Variants in KDM4C observed in about 807,000 individuals in gnomAD.
KDM4C encodes the protein lysine demethylase 4C, also known as lysine-specific demethylase 4C.
Under a neutral mutation model 129.3 loss-of-function variants are expected in KDM4C, and 81 were observed. That is an observed-to-expected ratio of 0.63 (90% confidence interval 0.52 to 0.75). The LOEUF (loss-of-function observed/expected upper bound fraction) is 0.75. Among genes scored for constraint, KDM4C ranks in the 30% least tolerant of loss-of-function variants. The pLI, the probability that KDM4C is intolerant of heterozygous loss-of-function variation, is 0.00. For synonymous variants in KDM4C, 573 were observed against 456.1 expected, an observed-to-expected ratio of 1.26 and a Z score of -3.26; for missense variants, 1,457 against 1,304.0, an observed-to-expected ratio of 1.12 and a Z score of -1.81.
intron 4 of KDM4C, among the ~76,000 whole-genome samples, chr9:6,822,112 A>G (rs1833137978): frequency 6.6e-6 from 1 of 152,228 alleles, no homozygotes; most frequent in Non-Finnish European, 1.5e-5. Context: ...GCCTTTGGGT[A>G]TATATTGAAG....
chr9:6,867,017 A>ATTTTTTTTTTTTTTTT (rs139668753), intron 5 of KDM4C, among the ~76,000 whole-genome samples: 1 of 83,784 alleles, frequency 1.2e-5, no homozygotes, highest in African/African-American at 4.5e-5. Flanking sequence ...ATATATATAT[A>ATTTTTTTTTTTTTTTT]TTTTTTTTTT....
chr9:6,736,334 G>A (rs1227821089), intron 1 of KDM4C, among the ~76,000 whole-genome samples: 1 of 152,118 alleles, frequency 6.6e-6, no homozygotes, highest in East Asian at 1.9e-4. Flanking sequence ...AAGACAATGG[G>A]GAAAATGTCT....
Position 7,021,063 on chromosome 9 carries a change from G to A in KDM4C, c.2259+5134G>A, listed in dbSNP as rs531429233. 2.0e-5 allele frequency among the ~76,000 whole-genome samples: 3 copies of A among 151,614 alleles called. No homozygotes were observed. In the East Asian group the frequency reaches 5.8e-4, roughly 29 times the overall value. On this transcript the variant is annotated intron_variant, in intron 15 of 21. Transcript: ENST00000381309. ...AGTTTTTTCTGATTTTGTGAAGAGTGTCAATGGTTGAGCACCTTTTCATAC... is the reference window on the plus strand; with the variant it reads ...AGTTTTTTCTGATTTTGTGAAGAGTATCAATGGTTGAGCACCTTTTCATAC...
At chr9:7,170,289 T>C in intron 21 of KDM4C, 1 of 1,060,196 alleles carries the variant, frequency 9.4e-7, no homozygotes, top group Non-Finnish European at 1.1e-6. Context: ...TAATTGAATG[T>C]CTGTCTATTC....
intron 18 of KDM4C, among the ~76,000 whole-genome samples, chr9:7,122,695 C>G (rs73639817): frequency 1.6e-4 from 24 of 152,110 alleles, no homozygotes; most frequent in African/African-American, 5.3e-4. Context: ...ATGTCTGTAA[C>G]GTTTTTTTAC....
At chr9:6,807,221 G>A (rs564260725) in intron 3 of KDM4C, among the ~76,000 whole-genome samples, 27 of 152,308 alleles carry the variant, frequency 1.8e-4, no homozygotes, top group African/African-American at 6.0e-4. Flanking sequence ...GTGCAGTGGC[G>A]TGATCTCGGC....
rs146577808 is a variant in KDM4C, at chr9:7,107,947, G to A, written c.2610+4077G>A. Among the ~76,000 whole-genome samples the A allele has an allele frequency of 1.1e-3, 175 of 152,282 alleles. 1 individual carries two copies. Among genetic ancestry groups the A allele is most frequent in the African/African-American group, 3.9e-3 (161 of 41,548 alleles). Reference sequence around the variant, plus strand: ...TATAAATTTGTTAAAATAATTATCCGATGCTAGGGAGTGGGATTAGTGGAG... The same window carrying A: ...TATAAATTTGTTAAAATAATTATCCAATGCTAGGGAGTGGGATTAGTGGAG... On this transcript the variant is annotated intron_variant, in intron 18 of 21. Coordinates refer to ENST00000381309, the MANE Select transcript of KDM4C (RefSeq NM_015061.6).
At position 6,925,300 on chromosome 9, in the gene KDM4C, G is replaced by T. The variant is rs1314183893; in HGVS notation, c.921+32068G>T. ...ACTATGGGAAAATATAATAATGGAGGTCAAATAAAGGAGACACAAGCTTTC... is the reference window on the plus strand; with the variant it reads ...ACTATGGGAAAATATAATAATGGAGTTCAAATAAAGGAGACACAAGCTTTC... On this transcript the variant is annotated intron_variant, in intron 8 of 21. Transcript: ENST00000381309. 4.1e-6 allele frequency: 4 copies of T among 985,116 alleles called. No individual in the cohort carries two copies. In the African/African-American group the frequency reaches 7.0e-5, roughly 17 times the overall value. 61.0% of individuals were successfully genotyped at this position (985,116 alleles called of 1,614,324 possible). A position where few individuals can be genotyped will look rare whatever the true frequency, so the allele number is the denominator to read the frequency against.
intron 4 of KDM4C, chr9:6,819,225 A>G (rs1832622356): frequency 6.6e-6 from 1 of 152,242 alleles, no homozygotes; most frequent in South Asian, 2.1e-4. Flanking sequence ...TGGTAGTGAA[A>G]TAGCATAAGC....
intron 8 of KDM4C, chr9:6,978,613 T>C (rs1314632849): frequency 6.6e-6 from 1 of 152,240 alleles, no homozygotes; most frequent in Non-Finnish European, 1.5e-5. Flanking sequence ...TTTCTGTCTC[T>C]GTTCCTTTCA....
At chr9:6,936,870 C>G (rs995801238) in intron 8 of KDM4C, among the ~76,000 whole-genome samples, 2 of 152,148 alleles carry the variant, frequency 1.3e-5, no homozygotes, top group Non-Finnish European at 2.9e-5. Flanking sequence ...CCCTACAGAG[C>G]TAGAGGAAGG....
intron 19 of KDM4C, among the ~76,000 whole-genome samples, chr9:7,153,131 T>A (rs945122313): frequency 6.6e-6 from 1 of 152,084 alleles, no homozygotes; most frequent in African/African-American, 2.4e-5. Flanking sequence ...AGAGATGGGG[T>A]CTTGCTATGT....
chr9:7,017,957 T>A (rs928041218), intron 15 of KDM4C, among the ~76,000 whole-genome samples: 2 of 152,210 alleles, frequency 1.3e-5, no homozygotes, highest in Admixed American at 6.5e-5. Context: ...GGACACTCTT[T>A]ATGGTCTGAA....
At chr9:6,996,423 T>C (rs1029397774) in intron 12 of KDM4C, among the ~76,000 whole-genome samples, 19 of 152,240 alleles carry the variant, frequency 1.2e-4, no homozygotes, top group African/African-American at 3.4e-4. Context: ...TTTCCCAACA[T>C]TTCTTATTTT....
At chr9:7,046,817 G>T (rs771838079) in intron 15 of KDM4C, 45 bp from the exon 16 acceptor site, 2 of 1,314,248 alleles carry the variant, frequency 1.5e-6, no homozygotes, top group Non-Finnish European at 2.2e-6. Flanking sequence ...AATGACTTTT[G>T]TTATGTGGGT....
In KDM4C at chr9:7,117,770, C is replaced by T. The variant is rs376076276; in HGVS notation, c.2611-10296C>T. Among the ~76,000 whole-genome samples the T allele has an allele frequency of 5.9e-5, 9 of 152,046 alleles. No individual in the cohort carries two copies. In the East Asian group the frequency reaches 9.6e-4, roughly 16 times the overall value. On this transcript the variant is annotated intron_variant, in intron 18 of 21. Coordinates refer to ENST00000381309, the MANE Select transcript of KDM4C (RefSeq NM_015061.6). ...ACTCCTGAAATAAAAAAGCCCAAGG[C>T]AGAGCTTCTAGGGTCTAGCATCTGG...
chr9:6,950,428 T>G (rs1827925162), intron 8 of KDM4C, among the ~76,000 whole-genome samples: 1 of 152,168 alleles, frequency 6.6e-6, no homozygotes. Flanking sequence ...CCTCTAGGTA[T>G]GGGGTAAATT....
At chr9:6,740,972 A>C (rs1467422777) in intron 1 of KDM4C, among the ~76,000 whole-genome samples, 1 of 148,902 alleles carries the variant, frequency 6.7e-6, no homozygotes, top group East Asian at 2.0e-4. Flanking sequence ...CTACAGACGC[A>C]TGCCACCATG....
chr9:6,890,740 A>C (rs1263690845), intron 7 of KDM4C, among the ~76,000 whole-genome samples: 1 of 152,150 alleles, frequency 6.6e-6, no homozygotes, highest in African/African-American at 2.4e-5. Context: ...CAGTGGCAGC[A>C]GTCCTCCCTC....
Sources: gnomAD v4.1 joint callset for allele counts (sites outside exome capture counted in the v4.1 genomes callset) on GRCh38, gnomAD v4.1.1 for gene constraint, MANE v1.5 for transcripts, NCBI Gene and HGNC (gene_info 2026-07-23, HGNC 2026-07-21) for gene names.